PCDH15: variants seen among roughly 807,000 people sequenced by gnomAD.
PCDH15 encodes protocadherin related 15, also known as protocadherin-15.
A neutral mutation model predicts 178.5 loss-of-function variants in PCDH15; 129 were observed. The observed-to-expected ratio is 0.72, with a 90% CI of 0.63 to 0.84. The LOEUF is 0.84. PCDH15 is among the 40% of genes least tolerant of loss of function. PCDH15 has a pLI of 0.00. For missense variants in PCDH15, 2,230 were observed against 2,099.9 expected (o/e 1.06, Z -1.21); for synonymous variants, 800 against 732.0 (o/e 1.09, Z -1.50).
chr10:54,098,190 TTG>T (rs35596789), intron 15 of PCDH15, among the ~76,000 whole-genome samples: 58,650 of 142,682 alleles, frequency 0.41, 12,039 homozygotes, highest in Non-Finnish European at 0.47. Context: ...GAAAATAAAG[TTG>T]TGTGTGTGTG....
chr10:55,509,023 C>T (rs1303862346), intron 2 of PCDH15, among the ~76,000 whole-genome samples: 1 of 151,690 alleles, frequency 6.6e-6, no homozygotes, highest in East Asian at 1.9e-4. Context: ...ATAAAATACA[C>T]TTAATATACT....
At chr10:55,523,796 T>C (rs1023229452) in intron 2 of PCDH15, among the ~76,000 whole-genome samples, 3 of 151,662 alleles carry the variant, frequency 2.0e-5, no homozygotes, top group Admixed American at 6.6e-5. Flanking sequence ...CCAACATCTA[T>C]ACACTAGTCT....
intron 2 of PCDH15, among the ~76,000 whole-genome samples, chr10:55,555,806 A>C (rs897107972): frequency 1.3e-5 from 2 of 152,100 alleles, no homozygotes; most frequent in Admixed American, 1.3e-4. Context: ...AATATGAAGA[A>C]CACCAGAGAA....
rs143115500 is a variant in PCDH15, at chr10:55,284,475, A to G, written c.-156+35124T>C. 1.7e-3 allele frequency among the ~76,000 whole-genome samples: 253 copies of G among 152,246 alleles called. 3 individuals carry two copies. Among genetic ancestry groups the G allele is most frequent in the Non-Finnish European group, 6.5e-4 (44 of 68,000 alleles). On this transcript the variant is annotated intron_variant, in intron 1 of 5. Coordinates refer to the PCDH15 transcript ENST00000458638. ...AATCAGTGCTGTATTGCTCAAAAGA[A>G]TGAGTTATGGTCATAAAGGTACAGT...
chr10:55,364,473 AT>A (rs888364162), intron 2 of PCDH15, among the ~76,000 whole-genome samples: 4 of 151,604 alleles, frequency 2.6e-5, no homozygotes, highest in African/African-American at 7.3e-5. Context: ...TATATAATGT[AT>A]TTTTTTTCTG....
At chr10:54,093,328 G>C (rs759169853) in intron 15 of PCDH15, among the ~76,000 whole-genome samples, 30 of 152,060 alleles carry the variant, frequency 2.0e-4, no homozygotes, top group Non-Finnish European at 3.7e-4. Flanking sequence ...CTTTATTGGT[G>C]TTCCAGGGTC....
intron 6 of PCDH15, among the ~76,000 whole-genome samples, chr10:54,341,387 G>A (rs560687831): frequency 3.3e-4 from 50 of 152,276 alleles, no homozygotes; most frequent in African/African-American, 1.2e-3. Flanking sequence ...GCCTCCTGCT[G>A]CATGTAAGAT....
At chr10:54,206,641 A>G (rs761805117) in intron 10 of PCDH15, among the ~76,000 whole-genome samples, 1 of 152,134 alleles carries the variant, frequency 6.6e-6, no homozygotes, top group African/African-American at 2.4e-5. Context: ...AAAAATCATT[A>G]ACATAAAAAT....
intron 1 of PCDH15, among the ~76,000 whole-genome samples, chr10:55,256,825 C>CA (rs965516870): frequency 6.6e-6 from 1 of 152,152 alleles, no homozygotes; most frequent in African/African-American, 2.4e-5. Context: ...AAAAGGCAGC[C>CA]AAAACCTCTG....
intron 2 of PCDH15, among the ~76,000 whole-genome samples, chr10:55,072,670 C>G (rs1318173017): frequency 6.6e-6 from 1 of 151,954 alleles, no homozygotes; most frequent in African/African-American, 2.4e-5. Context: ...ACCAGAGGTA[C>G]AAGGAGGAAC....
intron 2 of PCDH15, among the ~76,000 whole-genome samples, chr10:54,923,021 C>T (rs1007608897): frequency 3.4e-5 from 3 of 88,794 alleles, no homozygotes; most frequent in East Asian, 2.4e-4. Context: ...AGACTTCTGC[C>T]TAGACACTCA....
intron 2 of PCDH15, among the ~76,000 whole-genome samples, chr10:55,442,375 T>C (rs963850996): frequency 6.7e-6 from 1 of 149,286 alleles, no homozygotes; most frequent in Non-Finnish European, 1.5e-5. Flanking sequence ...TTCCTTTTTT[T>C]TTTAATTACC....
intron 15 of PCDH15, among the ~76,000 whole-genome samples, chr10:54,096,966 C>G (rs1296558919): frequency 1.3e-5 from 2 of 152,164 alleles, no homozygotes; most frequent in Non-Finnish European, 2.9e-5. Context: ...CTATTCTTAA[C>G]TTCTATCTCC....
chr10:54,022,792 C>A, intron 19 of PCDH15, 100 bp downstream of exon 19: 1 of 1,147,236 alleles, frequency 8.7e-7, no homozygotes, highest in Non-Finnish European at 1.3e-6. Context: ...TAAAATCCAA[C>A]TTGGTATGTT....
At chr10:54,394,151 C>T (rs1434868852) in intron 3 of PCDH15, among the ~76,000 whole-genome samples, 1 of 152,012 alleles carries the variant, frequency 6.6e-6, no homozygotes, top group Non-Finnish European at 1.5e-5. Context: ...TGTAGAAACT[C>T]TTAAGGCTGA....
At chr10:55,298,102 C>T (rs1843179886) in intron 1 of PCDH15, among the ~76,000 whole-genome samples, 1 of 152,182 alleles carries the variant, frequency 6.6e-6, no homozygotes, top group Non-Finnish European at 1.5e-5. Flanking sequence ...CAACACTTCA[C>T]TCTTACATGG....
intron 15 of PCDH15, among the ~76,000 whole-genome samples, chr10:54,099,050 C>G (rs1017696231): frequency 3.9e-5 from 6 of 152,150 alleles, no homozygotes; most frequent in African/African-American, 1.4e-4. Context: ...AGCCTACTCA[C>G]TTTTCTAACT....
chr10:54,416,703 T>C (rs534803013), intron 3 of PCDH15, among the ~76,000 whole-genome samples: 57 of 152,342 alleles, frequency 3.7e-4, no homozygotes, highest in African/African-American at 1.3e-3. Context: ...ATCACCATAC[T>C]GTCTTCCACA....
chr10:54,364,831 A>G (rs562675771), intron 5 of PCDH15, among the ~76,000 whole-genome samples: 11 of 152,250 alleles, frequency 7.2e-5, no homozygotes, highest in Non-Finnish European at 1.5e-4. Flanking sequence ...TTCACTTCCA[A>G]GCTCATTCAG....
Sources: allele counts gnomAD v4.1 joint callset (sites outside exome capture counted in the v4.1 genomes callset), GRCh38; gene constraint gnomAD v4.1.1; transcripts MANE v1.5; gene names NCBI Gene and HGNC (gene_info 2026-07-23, HGNC 2026-07-21).